BIN3: variants seen among roughly 807,000 people sequenced by gnomAD.
BIN3 encodes bridging integrator 3.
BIN3 carries 41 observed loss-of-function variants against 38.2 expected under a neutral mutation model. That is an observed-to-expected ratio of 1.07 (90% CI 0.84 to 1.39). BIN3 has a LOEUF of 1.39. Among genes scored for constraint, BIN3 ranks in the 40% most tolerant of loss-of-function variants. The pLI is 0.00. For missense variants in BIN3, 361 were observed against 324.3 expected (o/e 1.11, Z -0.87); for synonymous variants, 145 against 122.6 (o/e 1.18, Z -1.21).
chr8:22,666,814 C>A lies in BIN3; in HGVS notation c.8+2230G>T, dbSNP rs987995070. ...TGCCTTATTTAATGATGGCTTGGCA[C>A]AGCCCATGTACTTGGTGAACTTGAC... On this transcript the variant is annotated intron_variant, in intron 1 of 8. Coordinates refer to ENST00000276416, the MANE Select transcript of BIN3 (RefSeq NM_018688.6). 8.5e-5 allele frequency among the ~76,000 whole-genome samples: 13 copies of A among 152,218 alleles called. 1 individual carries two copies. Among genetic ancestry groups the A allele is most frequent in the African/African-American group, 3.1e-4 (13 of 41,452 alleles).
rs182163153 is a variant in BIN3 at position 22,659,899 on chromosome 8, T to C, written c.8+9145A>G. 1.3e-3 allele frequency among the ~76,000 whole-genome samples: 191 copies of C among 152,238 alleles called. 2 individuals are homozygous for C. Among genetic ancestry groups the C allele is most frequent in the Middle Eastern group, 3.4e-3 (1 of 294 alleles). The stretch of plus-strand genomic sequence containing the variant: ...GCAGTCTGTTTTTTTGCGAAGGTAG[T>C]AGTGGTATTTTGATGACGACGACCA... On this transcript the variant is annotated intron_variant, in intron 1 of 8. Coordinates refer to ENST00000276416, the MANE Select transcript of BIN3 (RefSeq NM_018688.6).
chr8:22,660,143 C>G (rs1803187189), intron 1 of BIN3, among the ~76,000 whole-genome samples: 1 of 152,190 alleles, frequency 6.6e-6, no homozygotes, highest in Admixed American at 6.5e-5. Flanking sequence ...AGTGTGGAGG[C>G]CGACAGAGCA....
intron 1 of BIN3, among the ~76,000 whole-genome samples, chr8:22,663,714 C>T (rs1267530463): frequency 6.6e-6 from 1 of 152,220 alleles, no homozygotes; most frequent in African/African-American, 2.4e-5. Context: ...CCACTACTTA[C>T]CACCTCCAAG....
chr8:22,668,947 G>T, intron 1 of BIN3, 97 bp downstream of exon 1: 1 of 1,494,366 alleles, frequency 6.7e-7, no homozygotes. Context: ...GAGGGGTCGC[G>T]CGGGACCGGA....
chr8:22,666,969 G>C (rs958209864), intron 1 of BIN3, among the ~76,000 whole-genome samples: 12 of 152,166 alleles, frequency 7.9e-5, no homozygotes, highest in African/African-American at 2.9e-4. Context: ...GAATCAGAAG[G>C]ACCCAGCCCC....
At chr8:22,658,113 T>C (rs1364781038) in intron 1 of BIN3, among the ~76,000 whole-genome samples, 1 of 152,244 alleles carries the variant, frequency 6.6e-6, no homozygotes, top group African/African-American at 2.4e-5. Flanking sequence ...CTGCGCTCTC[T>C]GCCTCTGGAG....
At chr8:22,653,365 GT>G (rs372614266) in intron 1 of BIN3, among the ~76,000 whole-genome samples, 1 of 152,222 alleles carries the variant, frequency 6.6e-6, no homozygotes, top group Non-Finnish European at 1.5e-5. Flanking sequence ...ATTGGAAAAT[GT>G]TTTGTTATGC....
intron 1 of BIN3, among the ~76,000 whole-genome samples, chr8:22,663,026 C>T (rs1301504640): frequency 2.6e-5 from 4 of 152,036 alleles, no homozygotes; most frequent in Admixed American, 6.6e-5. Flanking sequence ...GGCTGAGGCA[C>T]GAGAATCGCT....
intron 2 of BIN3, among the ~76,000 whole-genome samples, chr8:22,641,093 C>A (rs986582994): frequency 1.3e-5 from 2 of 152,188 alleles, no homozygotes; most frequent in Non-Finnish European, 2.9e-5. Context: ...AAGGGACACA[C>A]TGGAGCCTCA....
intron 4 of BIN3, among the ~76,000 whole-genome samples, chr8:22,632,139 A>G (rs1802223285): frequency 6.6e-6 from 1 of 152,222 alleles, no homozygotes; most frequent in South Asian, 2.1e-4. Flanking sequence ...ACCAGGCTAC[A>G]CTTTCAGTAC....
chr8:22,657,692 G>A (rs1803099779), intron 1 of BIN3, among the ~76,000 whole-genome samples: 1 of 152,226 alleles, frequency 6.6e-6, no homozygotes, highest in Non-Finnish European at 1.5e-5. Flanking sequence ...TATTCCTGCA[G>A]GAAGTGGTGA....
intron 6 of BIN3, among the ~76,000 whole-genome samples, chr8:22,626,940 G>A (rs1213790678): frequency 1.3e-5 from 2 of 152,212 alleles, no homozygotes; most frequent in African/African-American, 2.4e-5. Context: ...GGGGGTGAGG[G>A]AGGCCGGGTT....
chr8:22,654,360 A>G (rs1274976599), intron 1 of BIN3, among the ~76,000 whole-genome samples: 1 of 152,240 alleles, frequency 6.6e-6, no homozygotes, highest in African/African-American at 2.4e-5. Context: ...ACATACCATA[A>G]CATTCACCCT....
chr8:22,626,489 T>A (rs1802008342), intron 6 of BIN3: 1 of 152,236 alleles, frequency 6.6e-6, no homozygotes, highest in African/African-American at 2.4e-5. Flanking sequence ...CAGCCCCAAA[T>A]GGCCAAGGGA....
intron 1 of BIN3, among the ~76,000 whole-genome samples, chr8:22,649,832 C>T (rs1035895998): frequency 2.2e-4 from 27 of 120,886 alleles, no homozygotes; most frequent in African/African-American, 9.6e-4. Flanking sequence ...CACACACACA[C>T]ACACACACAC....
intron 1 of BIN3, among the ~76,000 whole-genome samples, chr8:22,665,064 C>T (rs1186320682): frequency 1.3e-5 from 2 of 152,072 alleles, no homozygotes; most frequent in South Asian, 2.1e-4. Flanking sequence ...GGGAGGTGTA[C>T]GTCTGTGATA....
chr8:22,659,864 C>T (rs1421147458), intron 1 of BIN3, among the ~76,000 whole-genome samples: 1 of 152,200 alleles, frequency 6.6e-6, no homozygotes, highest in Non-Finnish European at 1.5e-5. Flanking sequence ...CAGATCTTGA[C>T]ACACAGTAAG....
intron 1 of BIN3, among the ~76,000 whole-genome samples, chr8:22,656,331 T>C (rs1803056880): frequency 6.6e-6 from 1 of 151,916 alleles, no homozygotes; most frequent in South Asian, 2.1e-4. Flanking sequence ...CTTAGGTTCA[T>C]TCCATGAAGT....
intron 3 of BIN3, 141 bp from the exon 4 acceptor site, chr8:22,636,727 C>G (rs1207920067): frequency 1.6e-5 from 16 of 1,030,098 alleles, no homozygotes; most frequent in Non-Finnish European, 2.3e-5. Flanking sequence ...TGAAGTGCCA[C>G]TACACCCAAA....
Sources: gnomAD v4.1 joint callset for allele counts (sites outside exome capture counted in the v4.1 genomes callset) on GRCh38, gnomAD v4.1.1 for gene constraint, MANE v1.5 for transcripts, NCBI Gene and HGNC (gene_info 2026-07-23, HGNC 2026-07-21) for gene names.